Variants in ST18 observed in about 807,000 individuals in gnomAD.
ST18 encodes suppression of tumorigenicity 18 protein.
In ST18, 50 loss-of-function variants were observed where a neutral mutation model predicts 110.0. The observed-to-expected ratio is 0.45, with a 90% CI of 0.36 to 0.58. The LOEUF (loss-of-function observed/expected upper bound fraction) is 0.58. Among genes scored for constraint, ST18 ranks in the 20% least tolerant of loss-of-function variants. The pLI, the probability that ST18 is intolerant of heterozygous loss-of-function variation, is 0.00. For missense variants in ST18, 1,306 were observed against 1,280.1 expected (o/e 1.02, Z -0.31); for synonymous variants, 461 against 452.4 (o/e 1.02, Z -0.24).
At chr8:52,264,914 T>A (rs934252791) in intron 2 of ST18, among the ~76,000 whole-genome samples, 1 of 152,226 alleles carries the variant, frequency 6.6e-6, no homozygotes, top group African/African-American at 2.4e-5. Flanking sequence ...GGAAAACGTT[T>A]CTTCCACCTG....
At chr8:52,268,349 C>G (rs1274084402) in intron 2 of ST18, among the ~76,000 whole-genome samples, 1 of 152,174 alleles carries the variant, frequency 6.6e-6, no homozygotes, top group East Asian at 1.9e-4. Context: ...CAAGGACACA[C>G]ATGAAGGAAG....
chr8:52,267,996 C>T (rs1368772379), intron 2 of ST18, among the ~76,000 whole-genome samples: 1 of 152,114 alleles, frequency 6.6e-6, no homozygotes, highest in African/African-American at 2.4e-5. Context: ...CATAGTTCAC[C>T]CCAAAATATG....
intron 2 of ST18, among the ~76,000 whole-genome samples, chr8:52,277,403 A>T (rs1012928774): frequency 4.6e-5 from 7 of 152,158 alleles, no homozygotes; most frequent in Non-Finnish European, 8.8e-5. Context: ...TTAAAGCATG[A>T]TGATACCCCC....
chr8:52,299,863 A>G (rs979816405), intron 2 of ST18, among the ~76,000 whole-genome samples: 2 of 152,196 alleles, frequency 1.3e-5, no homozygotes, highest in African/African-American at 4.8e-5. Context: ...AAGTCGTGCT[A>G]TTTTAAGGTG....
intron 2 of ST18, among the ~76,000 whole-genome samples, chr8:52,331,873 A>T (rs1809595193): frequency 6.6e-6 from 1 of 152,174 alleles, no homozygotes; most frequent in Non-Finnish European, 1.5e-5. Context: ...AGCACTCAGT[A>T]AATGCTTTGG....
At chr8:52,297,695 A>C (rs2095656138) in intron 2 of ST18, among the ~76,000 whole-genome samples, 1 of 152,256 alleles carries the variant, frequency 6.6e-6, no homozygotes, top group African/African-American at 2.4e-5. Flanking sequence ...TAATTGTAAC[A>C]AACATGTAAT....
chr8:52,310,817 G>C (rs1374804443), intron 2 of ST18, among the ~76,000 whole-genome samples: 2 of 149,480 alleles, frequency 1.3e-5, no homozygotes, highest in African/African-American at 2.4e-5. Context: ...GGAGTCTTGG[G>C]AGCCATGAGC....
At chr8:52,202,414 AG>A (rs1163342147) in intron 8 of ST18, among the ~76,000 whole-genome samples, 1 of 152,176 alleles carries the variant, frequency 6.6e-6, no homozygotes, top group Non-Finnish European at 1.5e-5. Flanking sequence ...TATATGATAA[AG>A]TTTTTTTTTT....
intron 8 of ST18, chr8:52,210,097 A>G (rs2135917463): frequency 2.2e-6 from 1 of 456,086 alleles, no homozygotes. Context: ...AAGTGGCCTC[A>G]TGTCCACGGG....
chr8:52,315,309 A>C (rs1379791374), intron 2 of ST18, among the ~76,000 whole-genome samples: 1 of 152,176 alleles, frequency 6.6e-6, no homozygotes, highest in Non-Finnish European at 1.5e-5. Context: ...CATTGTAAAG[A>C]ATGCATTTTT....
chr8:52,271,096 C>G (rs2138896725), intron 2 of ST18, among the ~76,000 whole-genome samples: 1 of 152,224 alleles, frequency 6.6e-6, no homozygotes, highest in African/African-American at 2.4e-5. Context: ...GATGGGGTTT[C>G]ACTGTGTTAG....
chr8:52,125,077 C>T (rs1469227085), intron 23 of ST18, among the ~76,000 whole-genome samples: 2 of 152,108 alleles, frequency 1.3e-5, no homozygotes, highest in African/African-American at 2.4e-5. Context: ...TGATGGAAAA[C>T]AACACAGGCC....
Position 52,263,484 on chromosome 8 carries a change from ACT to A in ST18, c.-464-33409_-464-33408del, listed in dbSNP as rs527888660. Among the ~76,000 whole-genome samples, 42 of 152,224 alleles carry A rather than the reference ACT, an allele frequency of 2.8e-4. No individual in the cohort carries two copies. In the East Asian group the frequency reaches 7.9e-3, roughly 29 times the overall value. On this transcript the variant is annotated intron_variant, in intron 2 of 25. Coordinates refer to ENST00000689386, the MANE Select transcript of ST18 (RefSeq NM_001352837.2). ...CATCAATTCTATCTATTAGCATGGCACTCTGAGTGCCAAGTGTTGTTCCTCAT... is the reference window on the plus strand; with the variant it reads ...CATCAATTCTATCTATTAGCATGGCACTGAGTGCCAAGTGTTGTTCCTCAT...
intron 2 of ST18, among the ~76,000 whole-genome samples, chr8:52,334,015 G>A (rs898015940): frequency 2.4e-4 from 36 of 152,332 alleles, no homozygotes; most frequent in South Asian, 2.1e-4. Flanking sequence ...CTCAGATATC[G>A]CAGGAGAGGC....
chr8:52,278,885 T>C (rs527302242), intron 2 of ST18, among the ~76,000 whole-genome samples: 1 of 152,262 alleles, frequency 6.6e-6, no homozygotes, highest in South Asian at 2.1e-4. Context: ...AGTTTTCAAG[T>C]GGTCTGGGTT....
rs140977183 is a variant in ST18 at position 52,235,179 on chromosome 8, A to T, written c.-464-5102T>A. On this transcript the variant is annotated intron_variant, in intron 2 of 25. Coordinates refer to ENST00000689386, the MANE Select transcript of ST18 (RefSeq NM_001352837.2). The stretch of plus-strand genomic sequence containing the variant: ...CACGATGAATGCCACTTAAAAATGA[A>T]TAAAAATAAAAAATAAAAAAAAGAA... 3.9e-5 allele frequency among the ~76,000 whole-genome samples: 6 copies of T among 152,288 alleles called. No individual in the cohort carries two copies. The East Asian group carries it at 1.2e-3, about 29-fold the overall frequency.
intron 2 of ST18, among the ~76,000 whole-genome samples, chr8:52,306,169 A>T (rs2095809764): frequency 6.6e-6 from 1 of 152,060 alleles, no homozygotes; most frequent in South Asian, 2.1e-4. Flanking sequence ...CCTCCTTCAA[A>T]TCTTTACTCA....
intron 2 of ST18, among the ~76,000 whole-genome samples, chr8:52,382,362 T>C (rs1167204109): frequency 6.6e-6 from 1 of 152,082 alleles, no homozygotes; most frequent in Non-Finnish European, 1.5e-5. Flanking sequence ...TATGGTTTAC[T>C]GGCAGAAAAA....
At chr8:52,331,792 C>T (rs942948612) in intron 2 of ST18, among the ~76,000 whole-genome samples, 3 of 152,110 alleles carry the variant, frequency 2.0e-5, no homozygotes, top group African/African-American at 4.8e-5. Context: ...AGTGGATGAG[C>T]GGTTGGCTTA....
Sources: allele counts gnomAD v4.1 joint callset (sites outside exome capture counted in the v4.1 genomes callset), GRCh38; gene constraint gnomAD v4.1.1; transcripts MANE v1.5; gene names NCBI Gene and HGNC (gene_info 2026-07-23, HGNC 2026-07-21).